CDK14: variants seen among roughly 807,000 people sequenced by gnomAD.
CDK14 encodes cyclin dependent kinase 14, also known as cyclin-dependent kinase 14.
In CDK14, 34 loss-of-function variants were observed where a neutral mutation model predicts 60.7. The observed-to-expected ratio is 0.56, with a 90% CI of 0.43 to 0.75. The LOEUF (loss-of-function observed/expected upper bound fraction) is 0.75. CDK14 is among the 30% of genes least tolerant of loss of function. The pLI is 0.00. For missense variants in CDK14, 482 were observed against 564.1 expected (o/e 0.85, Z 1.47); for synonymous variants, 197 against 203.7 (o/e 0.97, Z 0.28).
chr7:91,188,454 G>A (rs1219119406), intron 14 of CDK14, among the ~76,000 whole-genome samples: 1 of 152,164 alleles, frequency 6.6e-6, no homozygotes, highest in African/African-American at 2.4e-5. Flanking sequence ...GAATTCCAGA[G>A]TTGGACTGAG....
intron 8 of CDK14, among the ~76,000 whole-genome samples, chr7:90,925,766 G>A (rs944727197): frequency 2.0e-5 from 3 of 152,092 alleles, no homozygotes; most frequent in South Asian, 2.1e-4. Flanking sequence ...AGCGGGAGAT[G>A]GTGTTACTTT....
intron 12 of CDK14, among the ~76,000 whole-genome samples, chr7:91,091,227 C>G (rs1347236981): frequency 6.7e-6 from 1 of 148,310 alleles, no homozygotes; most frequent in African/African-American, 2.5e-5. Context: ...AAGACCCTAT[C>G]TGTAAAAAAT....
At chr7:91,131,085 GTTTTTTA>G (rs1800101794) in intron 14 of CDK14, among the ~76,000 whole-genome samples, 1 of 150,768 alleles carries the variant, frequency 6.6e-6, no homozygotes, top group South Asian at 2.1e-4. Context: ...GTGTTCTTTA[GTTTTTTA>G]TTTTTTTTTT....
intron 3 of CDK14, among the ~76,000 whole-genome samples, chr7:90,732,270 A>T (rs1282265472): frequency 1.3e-5 from 2 of 151,910 alleles, no homozygotes; most frequent in Non-Finnish European, 2.9e-5. Context: ...TTTCTCATCC[A>T]TGTTCATCAG....
At chr7:90,683,974 A>G (rs1258452504) in intron 2 of CDK14, among the ~76,000 whole-genome samples, 1 of 151,972 alleles carries the variant, frequency 6.6e-6, no homozygotes, top group East Asian at 1.9e-4. Context: ...ATGTGTATAT[A>G]TGCACATGCA....
At position 91,121,142 on chromosome 7, in the gene CDK14, A is replaced by C. The variant is rs200365718; in HGVS notation, c.*28+2934A>C. 3.3e-4 allele frequency among the ~76,000 whole-genome samples: 50 copies of C among 152,318 alleles called. 1 individual carries two copies. The East Asian group carries it at 6.9e-3, about 21-fold the overall frequency. On this transcript the variant is annotated intron_variant, in intron 14 of 14. Transcript: ENST00000380050. ...TATCATATAGACATTATAGAGCAAA[A>C]TGTCTATGTAGATAAGGTATCCTTA...
intron 14 of CDK14, among the ~76,000 whole-genome samples, chr7:91,186,979 T>C (rs116495924): frequency 6.6e-6 from 1 of 152,186 alleles, no homozygotes; most frequent in African/African-American, 2.4e-5. Context: ...AGGAGACCTA[T>C]TAGCTCAATT....
At chr7:90,982,426 GA>G (rs1421837890) in intron 9 of CDK14, among the ~76,000 whole-genome samples, 1 of 152,164 alleles carries the variant, frequency 6.6e-6, no homozygotes, top group Non-Finnish European at 1.5e-5. Flanking sequence ...TAGCTGCCCT[GA>G]ATCATCTGAG....
intron 4 of CDK14, among the ~76,000 whole-genome samples, chr7:90,753,995 GA>G (rs1428197600): frequency 6.6e-6 from 1 of 152,158 alleles, no homozygotes; most frequent in African/African-American, 2.4e-5. Context: ...CAAACAAATG[GA>G]AAAACATTTC....
chr7:90,873,150 A>G (rs924204392), intron 6 of CDK14, among the ~76,000 whole-genome samples: 2 of 152,166 alleles, frequency 1.3e-5, no homozygotes, highest in African/African-American at 4.8e-5. Flanking sequence ...CACGAGAGTA[A>G]TACATTGAAT....
chr7:90,609,872 G>A (rs1483685968), intron 2 of CDK14, among the ~76,000 whole-genome samples: 11 of 152,164 alleles, frequency 7.2e-5, no homozygotes, highest in African/African-American at 1.7e-4. Flanking sequence ...ATTAAGGGCT[G>A]TCTCAGTGTC....
chr7:91,027,012 G>GT (rs766329394), intron 10 of CDK14, among the ~76,000 whole-genome samples: 6 of 152,092 alleles, frequency 3.9e-5, no homozygotes, highest in Non-Finnish European at 5.9e-5. Flanking sequence ...CCTTTCCTGC[G>GT]TAACTGTGGA....
intron 2 of CDK14, among the ~76,000 whole-genome samples, chr7:90,646,057 C>T (rs1233045970): frequency 6.6e-6 from 1 of 152,150 alleles, no homozygotes; most frequent in Non-Finnish European, 1.5e-5. Flanking sequence ...CTGGGTAACT[C>T]CCACCAGTTA....
intron 5 of CDK14, among the ~76,000 whole-genome samples, chr7:90,808,431 C>A (rs1028141311): frequency 6.6e-6 from 1 of 152,130 alleles, no homozygotes; most frequent in Non-Finnish European, 1.5e-5. Context: ...ATTTCTGTCA[C>A]CACCAGGCCT....
chr7:90,749,078 T>C (rs1803709432), intron 4 of CDK14, among the ~76,000 whole-genome samples: 1 of 152,190 alleles, frequency 6.6e-6, no homozygotes, highest in African/African-American at 2.4e-5. Flanking sequence ...GAAATATTCC[T>C]TATCAAGAAA....
chr7:90,819,012 T>A (rs1420835191), intron 5 of CDK14, among the ~76,000 whole-genome samples: 1 of 152,058 alleles, frequency 6.6e-6, no homozygotes, highest in Non-Finnish European at 1.5e-5. Context: ...ATATGGGCAT[T>A]TTTTTAGTGA....
chr7:90,892,408 A>G (rs1015963124), intron 6 of CDK14, among the ~76,000 whole-genome samples: 2 of 152,368 alleles, frequency 1.3e-5, no homozygotes, highest in African/African-American at 4.8e-5. Context: ...CCACATGACT[A>G]AGATGAGTCA....
At chr7:90,776,384 G>T (rs1436872772) in intron 4 of CDK14, among the ~76,000 whole-genome samples, 1 of 152,172 alleles carries the variant, frequency 6.6e-6, no homozygotes, top group Non-Finnish European at 1.5e-5. Context: ...GTCCTGAGAA[G>T]TATACAACCC....
intron 10 of CDK14, among the ~76,000 whole-genome samples, chr7:91,018,375 C>G (rs1029442734): frequency 4.6e-5 from 7 of 152,180 alleles, no homozygotes; most frequent in Non-Finnish European, 8.8e-5. Flanking sequence ...ACAATGGAAA[C>G]TTACTTCTCA....
Sources: gnomAD v4.1 joint callset for allele counts (sites outside exome capture counted in the v4.1 genomes callset) on GRCh38, gnomAD v4.1.1 for gene constraint, MANE v1.5 for transcripts, NCBI Gene and HGNC (gene_info 2026-07-23, HGNC 2026-07-21) for gene names.